The following PLXNA4 variants were observed in gnomAD, a reference collection of about 807,000 sequenced individuals.
PLXNA4 encodes plexin-A4.
A neutral mutation model predicts 191.8 loss-of-function variants in PLXNA4; 44 were observed. That is an observed-to-expected ratio of 0.23 (90% confidence interval 0.18 to 0.29). PLXNA4 has a LOEUF of 0.29. Ranked by LOEUF, PLXNA4 falls within the 10% of genes least tolerant of loss-of-function variation. PLXNA4 has a pLI of 1.00. For missense variants in PLXNA4, 1,800 were observed against 2,488.8 expected (o/e 0.72, Z 5.89); for synonymous variants, 1,082 against 1,009.5 (o/e 1.07, Z -1.36).
intron 9 of PLXNA4, among the ~76,000 whole-genome samples, chr7:132,213,576 T>C (rs1194040639): frequency 6.6e-6 from 1 of 152,106 alleles, no homozygotes; most frequent in Non-Finnish European, 1.5e-5. Context: ...CCACAGCCGC[T>C]ACTCTAGCAA....
At chr7:132,289,174 CCAAA>C (rs1183172814) in intron 4 of PLXNA4, among the ~76,000 whole-genome samples, 4 of 152,198 alleles carry the variant, frequency 2.6e-5, no homozygotes, top group Non-Finnish European at 4.4e-5. Context: ...TTTCACAACC[CCAAA>C]CAAAGAACTT....
intron 4 of PLXNA4, among the ~76,000 whole-genome samples, chr7:132,263,850 G>A (rs529933695): frequency 7.9e-5 from 12 of 152,268 alleles, no homozygotes; most frequent in South Asian, 2.1e-4. Flanking sequence ...GTGGAAAATC[G>A]CTTGGGAAAT....
upstream of PLXNA4, among the ~76,000 whole-genome samples, chr7:132,579,761 A>C (rs1410933585): frequency 6.6e-6 from 1 of 151,494 alleles, no homozygotes; most frequent in Non-Finnish European, 1.5e-5. Flanking sequence ...GCCATATCTC[A>C]AATTGCCTTT....
intron 25 of PLXNA4, among the ~76,000 whole-genome samples, chr7:132,149,327 G>C (rs1795526761): frequency 6.6e-6 from 1 of 152,114 alleles, no homozygotes; most frequent in South Asian, 2.1e-4. Context: ...ATTCTCACGG[G>C]TCCAAACACC....
At chr7:132,163,872 C>T (rs952064219) in intron 24 of PLXNA4, among the ~76,000 whole-genome samples, 3 of 152,234 alleles carry the variant, frequency 2.0e-5, no homozygotes, top group Non-Finnish European at 4.4e-5. Context: ...GACCCTATAA[C>T]TGGTGTGGTC....
intron 18 of PLXNA4, 71 bp downstream of exon 18, chr7:132,181,310 G>A: frequency 6.3e-7 from 1 of 1,592,300 alleles, no homozygotes; most frequent in South Asian, 1.2e-5. Context: ...AGGAGTCTGT[G>A]ACTTGAACAC....
intron 21 of PLXNA4, among the ~76,000 whole-genome samples, chr7:132,169,642 A>G (rs1796224273): frequency 6.6e-6 from 1 of 152,210 alleles, no homozygotes; most frequent in Admixed American, 6.5e-5. Flanking sequence ...TTAAAAGCAG[A>G]TAAAATTAAT....
At chr7:132,297,967 AG>A (rs1250369506) in intron 4 of PLXNA4, 123 bp downstream of exon 4, 6 of 1,265,140 alleles carry the variant, frequency 4.7e-6, no homozygotes, top group Non-Finnish European at 6.7e-6. Context: ...ATAACTGAAA[AG>A]ATACATACTA....
chr7:132,637,433 G>T (rs2116886743), intron 2 of PLXNA4, among the ~76,000 whole-genome samples: 1 of 152,280 alleles, frequency 6.6e-6, no homozygotes, highest in Admixed American at 6.5e-5. Flanking sequence ...GAGCACAGAA[G>T]AATGCAATTT....
intron 2 of PLXNA4, among the ~76,000 whole-genome samples, chr7:132,590,818 T>C (rs1342051048): frequency 6.6e-6 from 1 of 152,074 alleles, no homozygotes; most frequent in Non-Finnish European, 1.5e-5. Context: ...AAGTTGGCAC[T>C]CAATATTAAC....
At chr7:132,305,310 A>T (rs905708074) in intron 3 of PLXNA4, among the ~76,000 whole-genome samples, 3 of 151,408 alleles carry the variant, frequency 2.0e-5, no homozygotes, top group African/African-American at 7.3e-5. Context: ...AACCTCCACT[A>T]CAGTGTTCAG....
intron 3 of PLXNA4, among the ~76,000 whole-genome samples, chr7:132,412,155 C>A (rs1002198191): frequency 6.6e-6 from 1 of 152,156 alleles, no homozygotes; most frequent in African/African-American, 2.4e-5. Context: ...TCTGAGTAGA[C>A]CCCCAAAACT....
intron 25 of PLXNA4, among the ~76,000 whole-genome samples, chr7:132,157,221 T>C (rs948020190): frequency 3.9e-5 from 6 of 152,208 alleles, no homozygotes; most frequent in Admixed American, 1.3e-4. Context: ...AGCCTTTCTC[T>C]GGCTTGTGCA....
At chr7:132,493,951 C>A (rs1232875717) in intron 2 of PLXNA4, among the ~76,000 whole-genome samples, 1 of 152,186 alleles carries the variant, frequency 6.6e-6, no homozygotes, top group Non-Finnish European at 1.5e-5. Flanking sequence ...AATTTGTTAC[C>A]TGTAGAATGG....
chr7:132,151,425 AGG>A (rs1795620925), intron 25 of PLXNA4, among the ~76,000 whole-genome samples: 3 of 91,058 alleles, frequency 3.3e-5, no homozygotes, highest in African/African-American at 9.0e-5. Flanking sequence ...GAGGAGGAGG[AGG>A]AGGAAGGAGG....
intron 1 of PLXNA4, among the ~76,000 whole-genome samples, chr7:132,560,230 C>T (rs967430427): frequency 4.6e-5 from 7 of 152,132 alleles, no homozygotes; most frequent in Non-Finnish European, 8.8e-5. Context: ...GAGGCACGCA[C>T]CGAGGAAGGG....
Position 132,569,326 on chromosome 7 carries a change from C to T in PLXNA4, c.-87+7096G>A, listed in dbSNP as rs77855988. 6.0e-3 allele frequency among the ~76,000 whole-genome samples: 918 copies of T among 152,254 alleles called. 9 individuals carry two copies. The highest frequency in any genetic ancestry group is 0.021 in the African/African-American group (863 of 41,566). On this transcript the variant is annotated intron_variant, in intron 1 of 31. Transcript: ENST00000321063. ...CTCCTTTGCTTCATTTTTGCTTCCC[C>T]GGGATCTCACCCCTCAATAAAGTCA...
chr7:132,141,297 C>T (rs1310035784), intron 29 of PLXNA4, among the ~76,000 whole-genome samples: 2 of 152,198 alleles, frequency 1.3e-5, no homozygotes, highest in Non-Finnish European at 2.9e-5. Flanking sequence ...CCCTTCCTCC[C>T]TGCCTGGGCC....
At position 132,214,387 on chromosome 7, in the gene PLXNA4, A is replaced by C. The variant is rs1260293495; in HGVS notation, c.2098-3244T>G. Among the ~76,000 whole-genome samples the C allele has an allele frequency of 3.9e-5, 6 of 152,288 alleles. No individual in the cohort carries two copies. In the East Asian group the frequency reaches 7.7e-4, roughly 20 times the overall value. On this transcript the variant is annotated intron_variant, in intron 9 of 31. Transcript: ENST00000321063. ...ATATAAAAAGGTTGGCAGCTCTGAGAGTAAGTTCATTAATAATAACTGGAG... is the reference window on the plus strand; with the variant it reads ...ATATAAAAAGGTTGGCAGCTCTGAGCGTAAGTTCATTAATAATAACTGGAG...
Sources: allele counts gnomAD v4.1 joint callset (sites outside exome capture counted in the v4.1 genomes callset), GRCh38; gene constraint gnomAD v4.1.1; transcripts MANE v1.5; gene names NCBI Gene and HGNC (gene_info 2026-07-23, HGNC 2026-07-21).